SLC24A3: variants seen among roughly 807,000 people sequenced by gnomAD.
SLC24A3 encodes the protein sodium/potassium/calcium exchanger 3.
SLC24A3 carries 28 observed loss-of-function variants against 75.8 expected under a neutral mutation model. The ratio of observed to expected loss-of-function variants is 0.37; its 90% CI spans 0.27 to 0.51. SLC24A3 has a LOEUF of 0.51. Ranked by LOEUF, SLC24A3 falls within the 20% of genes least tolerant of loss-of-function variation. SLC24A3 has a pLI of 0.94. For missense variants in SLC24A3, 663 were observed against 847.8 expected, an observed-to-expected ratio of 0.78 and a Z score of 2.71; for synonymous variants, 372 against 334.1, an observed-to-expected ratio of 1.11 and a Z score of -1.24.
intron 2 of SLC24A3, among the ~76,000 whole-genome samples, chr20:19,451,659 G>A (rs1987483256): frequency 6.6e-6 from 1 of 152,242 alleles, no homozygotes; most frequent in Non-Finnish European, 1.5e-5. Context: ...AGGTAGGACT[G>A]GAAGATTCTC....
intron 1 of SLC24A3, among the ~76,000 whole-genome samples, chr20:19,227,117 G>A (rs1291745407): frequency 2.0e-5 from 3 of 152,176 alleles, no homozygotes; most frequent in Non-Finnish European, 4.4e-5. Context: ...AGCTCAATTC[G>A]ATGTTCTGTT....
chr20:19,576,847 T>G (rs933810442), intron 3 of SLC24A3, among the ~76,000 whole-genome samples: 1 of 152,202 alleles, frequency 6.6e-6, no homozygotes, highest in Non-Finnish European at 1.5e-5. Flanking sequence ...AACAGCTTAT[T>G]TAGATCTTGA....
intron 2 of SLC24A3, among the ~76,000 whole-genome samples, chr20:19,514,573 G>A (rs957125689): frequency 5.9e-5 from 9 of 152,182 alleles, no homozygotes; most frequent in Admixed American, 4.6e-4. Context: ...CGCCTGGTGG[G>A]CACATCCTCC....
intron 1 of SLC24A3, among the ~76,000 whole-genome samples, chr20:19,276,525 A>G (rs1428617083): frequency 6.6e-6 from 1 of 152,212 alleles, no homozygotes; most frequent in African/African-American, 2.4e-5. Context: ...TGTACTGAAC[A>G]CTGTAGGCAG....
At chr20:19,600,098 C>G (rs180754745) in intron 6 of SLC24A3, among the ~76,000 whole-genome samples, 7 of 152,288 alleles carry the variant, frequency 4.6e-5, no homozygotes, top group East Asian at 1.9e-4. Flanking sequence ...CCTCAGTGCT[C>G]TTGGTACAGA....
chr20:19,652,313 A>C (rs2032215576), intron 6 of SLC24A3, among the ~76,000 whole-genome samples: 1 of 152,252 alleles, frequency 6.6e-6, no homozygotes, highest in African/African-American at 2.4e-5. Context: ...TGTGTTAAAG[A>C]AATTCAAAAT....
At chr20:19,652,831 T>A (rs184153363) in intron 6 of SLC24A3, among the ~76,000 whole-genome samples, 2 of 152,314 alleles carry the variant, frequency 1.3e-5, no homozygotes, top group African/African-American at 4.8e-5. Flanking sequence ...GGTCCCTTTT[T>A]CCCACTGTGT....
At chr20:19,715,699 C>T (rs993525974) in intron 15 of SLC24A3, among the ~76,000 whole-genome samples, 1 of 152,200 alleles carries the variant, frequency 6.6e-6, no homozygotes. Flanking sequence ...CCCATATGCA[C>T]ACTCCAGTAG....
intron 6 of SLC24A3, among the ~76,000 whole-genome samples, chr20:19,651,123 T>A (rs1199755187): frequency 6.6e-6 from 1 of 152,112 alleles, no homozygotes; most frequent in Non-Finnish European, 1.5e-5. Flanking sequence ...CATAATTATA[T>A]GTAACAAGTG....
chr20:19,600,628 A>T (rs958052893), intron 6 of SLC24A3, among the ~76,000 whole-genome samples: 1 of 152,236 alleles, frequency 6.6e-6, no homozygotes, highest in Non-Finnish European at 1.5e-5. Flanking sequence ...ATGCACAAGC[A>T]CTAAGCTAAG....
intron 6 of SLC24A3, among the ~76,000 whole-genome samples, chr20:19,598,826 CAT>C (rs1182930197): frequency 2.0e-5 from 3 of 152,074 alleles, no homozygotes; most frequent in African/African-American, 7.2e-5. Flanking sequence ...CTTCTAAACA[CAT>C]GTGTCCCAGC....
At chr20:19,276,607 T>A (rs1400639467) in intron 1 of SLC24A3, among the ~76,000 whole-genome samples, 2 of 152,040 alleles carry the variant, frequency 1.3e-5, no homozygotes, top group Non-Finnish European at 1.5e-5. Context: ...AAAAATATGG[T>A]GTTAAAATCT....
At chr20:19,271,506 G>T (rs962865055) in intron 1 of SLC24A3, among the ~76,000 whole-genome samples, 6 of 152,122 alleles carry the variant, frequency 3.9e-5, no homozygotes, top group Non-Finnish European at 8.8e-5. Context: ...CAGAGGAAAA[G>T]AAGTCATTAT....
intron 3 of SLC24A3, among the ~76,000 whole-genome samples, chr20:19,561,714 C>T (rs939994167): frequency 3.3e-5 from 5 of 152,130 alleles, no homozygotes; most frequent in African/African-American, 7.2e-5. Flanking sequence ...CCAGCTATTG[C>T]GCTAAGAATT....
chr20:19,371,176 G>A (rs1236705372), intron 2 of SLC24A3, among the ~76,000 whole-genome samples: 1 of 152,120 alleles, frequency 6.6e-6, no homozygotes, highest in Non-Finnish European at 1.5e-5. Flanking sequence ...TGTAGAACAG[G>A]CACCTCAGCA....
intron 9 of SLC24A3, among the ~76,000 whole-genome samples, chr20:19,677,387 C>G (rs954543105): frequency 6.6e-6 from 1 of 152,074 alleles, no homozygotes; most frequent in Non-Finnish European, 1.5e-5. Context: ...TGCCTCTTTC[C>G]CTGTCGCTCT....
At chr20:19,550,038 T>G (rs1016135965) in intron 3 of SLC24A3, among the ~76,000 whole-genome samples, 3 of 152,228 alleles carry the variant, frequency 2.0e-5, no homozygotes, top group Non-Finnish European at 4.4e-5. Flanking sequence ...AAGGATCTTA[T>G]GTTGTTTGAG....
chr20:19,702,292 C>T (rs2032883570), intron 15 of SLC24A3, among the ~76,000 whole-genome samples: 1 of 152,202 alleles, frequency 6.6e-6, no homozygotes, highest in African/African-American at 2.4e-5. Context: ...TCAATGTCTA[C>T]TGACACGGTG....
At chr20:19,320,694 C>A (rs1202602823) in intron 2 of SLC24A3, among the ~76,000 whole-genome samples, 3 of 152,050 alleles carry the variant, frequency 2.0e-5, no homozygotes, top group African/African-American at 7.2e-5. Flanking sequence ...AGGGTGGGTG[C>A]CCAAATCCCT....
Sources: gnomAD v4.1 joint callset for allele counts (sites outside exome capture counted in the v4.1 genomes callset) on GRCh38, gnomAD v4.1.1 for gene constraint, MANE v1.5 for transcripts, NCBI Gene and HGNC (gene_info 2026-07-23, HGNC 2026-07-21) for gene names.